The following CDR2 variants were observed in gnomAD, a reference collection of about 807,000 sequenced individuals.
The protein encoded by CDR2 is cerebellar degeneration-related protein 2.
Under a neutral mutation model 48.4 loss-of-function variants are expected in CDR2, and 34 were observed. The observed-to-expected ratio is 0.70, with a 90% CI of 0.53 to 0.94. CDR2 has a LOEUF of 0.94. CDR2 is among the 40% of genes least tolerant of loss of function. The probability of loss-of-function intolerance (pLI) is 0.00; values close to 1 mark genes in which losing one functional copy is unlikely to be tolerated. For missense variants in CDR2, 498 were observed against 549.5 expected, an observed-to-expected ratio of 0.91 and a Z score of 0.94; for synonymous variants, 240 against 219.7, an observed-to-expected ratio of 1.09 and a Z score of -0.82.
intron 2 of CDR2, among the ~76,000 whole-genome samples, chr16:22,350,958 A>G (rs1480299863): frequency 6.6e-6 from 1 of 152,178 alleles, no homozygotes; most frequent in African/African-American, 2.4e-5. Flanking sequence ...TACATGTGAC[A>G]TGTTGGTTTG....
chr16:22,370,187 T>C (rs1169688789), intron 1 of CDR2, among the ~76,000 whole-genome samples: 1 of 152,238 alleles, frequency 6.6e-6, no homozygotes, highest in Non-Finnish European at 1.5e-5. Context: ...ACAGTAAGGC[T>C]GAAAGTTTTT....
At chr16:22,370,293 A>C (rs1174892301) in intron 1 of CDR2, among the ~76,000 whole-genome samples, 1 of 152,200 alleles carries the variant, frequency 6.6e-6, no homozygotes, top group Admixed American at 6.5e-5. Context: ...CCTGAATATA[A>C]ATATCAAGAA....
intron 2 of CDR2, 102 bp from the exon 3 acceptor site, chr16:22,349,951 G>A (rs756654190): frequency 9.5e-7 from 1 of 1,055,034 alleles, no homozygotes; most frequent in Non-Finnish European, 1.4e-6. Context: ...CACTTTGGGA[G>A]GCCAAGACGT....
chr16:22,352,355 A>G (rs2048948207), intron 2 of CDR2, among the ~76,000 whole-genome samples: 1 of 152,190 alleles, frequency 6.6e-6, no homozygotes, highest in Non-Finnish European at 1.5e-5. Flanking sequence ...TAAAGTGTTG[A>G]AAAAAGCATA....
Position 22,347,121 on chromosome 16 carries a change from C to T in CDR2, c.1209G>A (p.Trp403Ter). 1 of 1,614,222 alleles carries T rather than the reference C, an allele frequency of 6.2e-7. No individual in the cohort carries two copies. The highest frequency in any genetic ancestry group is 8.5e-7 in the Non-Finnish European group (1 of 1,180,026). The part of the protein sequence containing the change: ...NAQSEPVASG[W>*]ELASVNPEPV... ...GCTCTGGGTTGACAGAGGCCAGTTC[C>T]CAGCCGCTGGCAACAGGCTCAGACT... The change falls in exon 5 of 5, where the codon TGG becomes TGA. Residue 403 changes from tryptophan (W) to a stop codon, truncating the protein, a stop_gained. Coordinates refer to ENST00000268383, the MANE Select transcript of CDR2 (RefSeq NM_001802.2). LOFTEE classifies it high-confidence loss of function.
At chr16:22,367,808 A>T (rs377248285) in intron 1 of CDR2, among the ~76,000 whole-genome samples, 1 of 152,230 alleles carries the variant, frequency 6.6e-6, no homozygotes, top group East Asian at 1.9e-4. Flanking sequence ...CCAACTCCAG[A>T]TCATTTAAAA....
At chr16:22,370,255 A>G (rs2049067301) in intron 1 of CDR2, among the ~76,000 whole-genome samples, 1 of 152,186 alleles carries the variant, frequency 6.6e-6, no homozygotes, top group Non-Finnish European at 1.5e-5. Context: ...CCTGTTGCCA[A>G]TGTTACTATA....
chr16:22,347,672 C>T lies in CDR2; in HGVS notation c.658G>A (p.Glu220Lys), dbSNP rs774855594. The T allele has an allele frequency of 2.5e-6, 4 of 1,614,144 alleles. No individual in the cohort carries two copies. The South Asian group carries it at 4.4e-5, about 18-fold the overall frequency. ...TTTAACACGAGCCCATATTCCTCCTCCATAGTCACCCGCTTCTGCCGCTCC... is the reference window on the plus strand; with the variant it reads ...TTTAACACGAGCCCATATTCCTCCTTCATAGTCACCCGCTTCTGCCGCTCC... ...SLERQKRVTM[E>K]EEYGLVLKEN... Residue 220 changes from glutamate (E) to lysine (K), a missense_variant, in exon 5 of 5, where the codon GAG becomes AAG. Transcript: ENST00000268383.
chr16:22,355,348 T>TC, intron 2 of CDR2, among the ~76,000 whole-genome samples: 1 of 152,320 alleles, frequency 6.6e-6, no homozygotes, highest in South Asian at 2.1e-4. Flanking sequence ...CGATCCCCTA[T>TC]CCGGGGGGAT....
rs117534101 is a variant in CDR2, at chr16:22,356,117, C to T, written c.193-6268G>A. 1.7e-4 allele frequency among the ~76,000 whole-genome samples: 26 copies of T among 152,182 alleles called. 1 individual carries two copies. In the East Asian group the frequency reaches 4.4e-3, roughly 26 times the overall value. On this transcript the variant is annotated intron_variant, in intron 2 of 4. Transcript: ENST00000268383. The stretch of plus-strand genomic sequence containing the variant: ...GATCTTGTTATTAAATATGTTAATA[C>T]GTATCTATATTACATCACAAATTTA...
intron 1 of CDR2, among the ~76,000 whole-genome samples, chr16:22,368,619 C>T (rs1289681878): frequency 5.9e-5 from 9 of 152,182 alleles, no homozygotes; most frequent in Non-Finnish European, 1.2e-4. Flanking sequence ...CCTAATCAAG[C>T]TCCAAGGTGA....
At chr16:22,362,952 GTCT>G (rs1342733973) in intron 2 of CDR2, among the ~76,000 whole-genome samples, 1 of 149,772 alleles carries the variant, frequency 6.7e-6, no homozygotes, top group Non-Finnish European at 1.5e-5. Flanking sequence ...TCTACAGTAG[GTCT>G]TTTTTTTTTT....
intron 1 of CDR2, among the ~76,000 whole-genome samples, chr16:22,367,510 A>T (rs1442993854): frequency 6.6e-6 from 1 of 152,220 alleles, no homozygotes; most frequent in African/African-American, 2.4e-5. Flanking sequence ...GGTAAAGTTT[A>T]AATTTTATTC....
Position 22,346,324 on chromosome 16 carries a change from G to A in CDR2, c.*641C>T, listed in dbSNP as rs1219454884. On this transcript the variant is annotated 3_prime_UTR_variant, in exon 5 of 5. Transcript: ENST00000268383. The stretch of plus-strand genomic sequence containing the variant: ...GGCCCTCTAGGGCATATGCTAACAA[G>A]CTAACTTATATCAAACAAAAATTTG... The A allele has an allele frequency of 6.5e-6, 1 of 153,092 alleles. No homozygotes were observed. The highest frequency in any genetic ancestry group is 1.5e-5 in the Non-Finnish European group (1 of 68,424). The allele number at this position is 153,092 out of a possible 1,614,324, so 9.5% of individuals were successfully genotyped here. A position where few individuals can be genotyped will look rare whatever the true frequency, so the allele number is the denominator to read the frequency against.
chr16:22,370,035 G>A (rs2049065910), intron 1 of CDR2, among the ~76,000 whole-genome samples: 1 of 152,100 alleles, frequency 6.6e-6, no homozygotes, highest in Non-Finnish European at 1.5e-5. Flanking sequence ...TTCATATGTT[G>A]AATATTCTTT....
chr16:22,352,981 G>A (rs2048952457), intron 2 of CDR2, among the ~76,000 whole-genome samples: 1 of 152,072 alleles, frequency 6.6e-6, no homozygotes, highest in Non-Finnish European at 1.5e-5. Context: ...ATGGGAACAT[G>A]TTCAATCTCT....
chr16:22,363,137 T>C (rs1418304542), intron 2 of CDR2, among the ~76,000 whole-genome samples: 1 of 151,838 alleles, frequency 6.6e-6, no homozygotes, highest in Non-Finnish European at 1.5e-5. Context: ...AGACAAAGTT[T>C]CACCACATTG....
At chr16:22,350,398 T>C (rs986360564) in intron 2 of CDR2, among the ~76,000 whole-genome samples, 1 of 151,980 alleles carries the variant, frequency 6.6e-6, no homozygotes, top group African/African-American at 2.4e-5. Flanking sequence ...TTATTGGCCA[T>C]TGGTGACTGA....
At position 22,358,964 on chromosome 16, in the gene CDR2, A is replaced by G. The variant is rs1008313689; in HGVS notation, c.192+5938T>C. ...TCAAAATAGCTAGAAAAGATACGCA[A>G]TATTCCCAACACAAAGAAATGATAA... On this transcript the variant is annotated intron_variant, in intron 2 of 4. Coordinates refer to ENST00000268383, the MANE Select transcript of CDR2 (RefSeq NM_001802.2). Among the ~76,000 whole-genome samples, 3 of 152,222 alleles carry G rather than the reference A, an allele frequency of 2.0e-5. No homozygotes were observed. The South Asian group carries it at 6.2e-4, about 31-fold the overall frequency.
Sources: allele counts gnomAD v4.1 joint callset (sites outside exome capture counted in the v4.1 genomes callset), GRCh38; gene constraint gnomAD v4.1.1; transcripts MANE v1.5; gene names NCBI Gene and HGNC (gene_info 2026-07-23, HGNC 2026-07-21).